The following ATRNL1 variants were observed in gnomAD, a reference collection of about 807,000 sequenced individuals.
ATRNL1 encodes attractin like 1.
A neutral mutation model predicts 182.7 loss-of-function variants in ATRNL1; 95 were observed. That is an observed-to-expected ratio of 0.52 (90% CI 0.44 to 0.62). The LOEUF is 0.62. ATRNL1 is among the 20% of genes least tolerant of loss of function. ATRNL1 has a pLI of 0.00. For synonymous variants in ATRNL1, 576 were observed against 568.3 expected (o/e 1.01, Z -0.19); for missense variants, 1,471 against 1,679.5 (o/e 0.88, Z 2.17).
chr10:115,838,875 G>A (rs1163405423), intron 27 of ATRNL1, among the ~76,000 whole-genome samples: 2 of 152,080 alleles, frequency 1.3e-5, no homozygotes, highest in Non-Finnish European at 2.9e-5. Flanking sequence ...CTGTAATCCA[G>A]AATGACTTAT....
At chr10:115,798,990 C>A (rs1565389150) in intron 27 of ATRNL1, among the ~76,000 whole-genome samples, 1 of 151,914 alleles carries the variant, frequency 6.6e-6, no homozygotes, top group Non-Finnish European at 1.5e-5. Flanking sequence ...CCATGCCTGG[C>A]TAATTTTTTA....
intron 1 of ATRNL1, among the ~76,000 whole-genome samples, chr10:115,100,058 G>A (rs541081766): frequency 6.6e-6 from 1 of 152,304 alleles, no homozygotes; most frequent in Admixed American, 6.5e-5. Context: ...TTGGGAGCCT[G>A]AGACAGGAGG....
chr10:115,668,967 A>T (rs904145926), intron 26 of ATRNL1, among the ~76,000 whole-genome samples: 1 of 152,116 alleles, frequency 6.6e-6, no homozygotes, highest in South Asian at 2.1e-4. Flanking sequence ...AATTATTTTA[A>T]GGTTTATAGA....
intron 18 of ATRNL1, among the ~76,000 whole-genome samples, chr10:115,326,776 G>A (rs1426735156): frequency 1.3e-5 from 2 of 152,166 alleles, no homozygotes; most frequent in South Asian, 2.1e-4. Flanking sequence ...CAGAAATAAC[G>A]CTGCACATCT....
intron 20 of ATRNL1, among the ~76,000 whole-genome samples, chr10:115,415,042 T>C (rs1845323492): frequency 6.6e-6 from 1 of 152,074 alleles, no homozygotes; most frequent in African/African-American, 2.4e-5. Flanking sequence ...GAGGTTTTTC[T>C]TAAGAGCAAA....
At chr10:115,539,008 AT>A (rs1852200992) in intron 25 of ATRNL1, among the ~76,000 whole-genome samples, 1 of 152,220 alleles carries the variant, frequency 6.6e-6, no homozygotes, top group South Asian at 2.1e-4. Context: ...GGCTATACCA[AT>A]GGCTTTCATG....
chr10:115,378,665 G>T (rs2134223142), intron 19 of ATRNL1, among the ~76,000 whole-genome samples: 1 of 152,296 alleles, frequency 6.6e-6, no homozygotes, highest in Non-Finnish European at 1.5e-5. Flanking sequence ...TTCAGGATCT[G>T]CTTTGGGATA....
intron 13 of ATRNL1, among the ~76,000 whole-genome samples, chr10:115,268,801 G>A (rs1851715695): frequency 6.6e-6 from 1 of 152,190 alleles, no homozygotes; most frequent in South Asian, 2.1e-4. Context: ...TTGGATTCCT[G>A]TCAGACATGC....
chr10:115,322,398 G>A (rs1303618124), intron 18 of ATRNL1, among the ~76,000 whole-genome samples: 1 of 151,622 alleles, frequency 6.6e-6, no homozygotes, highest in African/African-American at 2.4e-5. Flanking sequence ...CATACCTTTA[G>A]CCCAATACAG....
At chr10:115,880,410 G>A (rs1046759423) in intron 28 of ATRNL1, among the ~76,000 whole-genome samples, 3 of 152,276 alleles carry the variant, frequency 2.0e-5, no homozygotes, top group South Asian at 2.1e-4. Flanking sequence ...GATCACCTGG[G>A]GTCAGGAGTT....
chr10:115,132,367 T>G (rs1236327599), intron 5 of ATRNL1, among the ~76,000 whole-genome samples: 1 of 152,176 alleles, frequency 6.6e-6, no homozygotes, highest in Non-Finnish European at 1.5e-5. Context: ...TCTTTGCTAT[T>G]GTGAATAGTG....
intron 25 of ATRNL1, among the ~76,000 whole-genome samples, chr10:115,529,492 T>A (rs1373664918): frequency 9.7e-6 from 1 of 103,548 alleles, no homozygotes; most frequent in Non-Finnish European, 2.6e-5. Flanking sequence ...TGATTTTTAT[T>A]AATTGAATGA....
At chr10:115,162,540 A>T (rs782317582) in intron 6 of ATRNL1, among the ~76,000 whole-genome samples, 57 of 151,924 alleles carry the variant, frequency 3.8e-4, no homozygotes, top group Non-Finnish European at 7.4e-4. Flanking sequence ...GATGTTGTAG[A>T]TCTTTTGGGA....
chr10:115,209,143 T>G (rs1164517821), intron 8 of ATRNL1, among the ~76,000 whole-genome samples: 3 of 151,740 alleles, frequency 2.0e-5, no homozygotes, highest in East Asian at 3.9e-4. Flanking sequence ...AAAAAATATA[T>G]GAAAAATGCT....
intron 25 of ATRNL1, among the ~76,000 whole-genome samples, chr10:115,539,675 C>T (rs1327151026): frequency 6.6e-6 from 1 of 152,126 alleles, no homozygotes; most frequent in Admixed American, 6.5e-5. Context: ...TTCCTGAATT[C>T]ACTCACCCAT....
intron 9 of ATRNL1, among the ~76,000 whole-genome samples, chr10:115,217,724 T>G (rs1554896598): frequency 6.6e-6 from 1 of 152,224 alleles, no homozygotes; most frequent in East Asian, 1.9e-4. Context: ...GATATTTATA[T>G]GTAAAACAAT....
At chr10:115,655,133 A>G (rs1860252647) in intron 26 of ATRNL1, among the ~76,000 whole-genome samples, 1 of 152,134 alleles carries the variant, frequency 6.6e-6, no homozygotes, top group Non-Finnish European at 1.5e-5. Flanking sequence ...CCCAGTCCTA[A>G]TTTCCTCAGC....
chr10:115,907,056 GTTA>G (rs1421532919), intron 28 of ATRNL1, among the ~76,000 whole-genome samples: 1 of 152,132 alleles, frequency 6.6e-6, no homozygotes, highest in Non-Finnish European at 1.5e-5. Flanking sequence ...AACCTGTACT[GTTA>G]TTATCCCCAT....
At chr10:115,144,003 C>CA (rs1190779776) in intron 5 of ATRNL1, among the ~76,000 whole-genome samples, 5 of 144,778 alleles carry the variant, frequency 3.5e-5, no homozygotes, top group African/African-American at 7.8e-5. Flanking sequence ...TTTTTTGAGA[C>CA]AGAGTCTTTC....
Sources: gnomAD v4.1 joint callset for allele counts (sites outside exome capture counted in the v4.1 genomes callset) on GRCh38, gnomAD v4.1.1 for gene constraint, MANE v1.5 for transcripts, NCBI Gene and HGNC (gene_info 2026-07-23, HGNC 2026-07-21) for gene names.